ZBED6: variants seen among roughly 807,000 people sequenced by gnomAD.
ZBED6 encodes zinc finger BED domain-containing protein 6.
ZBED6 carries 40 observed loss-of-function variants against 58.4 expected under a neutral mutation model. The ratio of observed to expected loss-of-function variants is 0.68; its 90% CI spans 0.53 to 0.89. The LOEUF (loss-of-function observed/expected upper bound fraction) is 0.89. Ranked by LOEUF, ZBED6 falls within the 40% of genes least tolerant of loss-of-function variation. The pLI is 0.00. For synonymous variants in ZBED6, 439 were observed against 350.6 expected, an observed-to-expected ratio of 1.25 and a Z score of -2.82; for missense variants, 1,057 against 1,003.9, an observed-to-expected ratio of 1.05 and a Z score of -0.71.
intron 4 of ZBED6, among the ~76,000 whole-genome samples, 190 bp downstream of exon 4, chr1:203,828,612 T>C (rs1681304259): frequency 6.6e-6 from 1 of 152,212 alleles, no homozygotes; most frequent in African/African-American, 2.4e-5. Context: ...CCATTATATA[T>C]CTTGGCATGC....
At chr1:203,850,878 A>G (rs955942047) in intron 15 of ZBED6, among the ~76,000 whole-genome samples, 179 bp from the exon 16 acceptor site, 8 of 152,228 alleles carry the variant, frequency 5.3e-5, no homozygotes, top group Non-Finnish European at 8.8e-5. Context: ...TTTAAAAGCT[A>G]ATTTTTAGGT....
chr1:203,850,477 A>T (rs187307997), intron 14 of ZBED6, 38 bp from the exon 15 acceptor site: 2 of 1,611,900 alleles, frequency 1.2e-6, no homozygotes, highest in East Asian at 2.2e-5. Context: ...AAAAGAGTCT[A>T]TTCTCACTGC....
Position 203,811,865 on chromosome 1 carries a change from G to A in ZBED6, c.*2555-5061G>A, listed in dbSNP as rs567614042. 4.6e-5 allele frequency among the ~76,000 whole-genome samples: 7 copies of A among 151,156 alleles called. No individual in the cohort carries two copies. The South Asian group carries it at 1.5e-3, about 32-fold the overall frequency. On this transcript the variant is annotated intron_variant, in intron 1 of 16. Coordinates refer to ENST00000550078, the Ensembl canonical transcript of ZBED6. ...ACAGGTCTCACTGTCACCCAGGCTG[G>A]AGTGCAGTAGTGTGATCTTGGTTCA... is the stretch of plus-strand genomic sequence containing the variant.
chr1:203,829,180 A>G (rs2103006793), intron 4 of ZBED6: 1 of 474,808 alleles, frequency 2.1e-6, no homozygotes, highest in Non-Finnish European at 3.7e-6. Context: ...AAGGTCTAGA[A>G]TTTGTGAACA....
intron 9 of ZBED6, chr1:203,834,132 A>G: frequency 9.3e-7 from 1 of 1,076,894 alleles, no homozygotes; most frequent in African/African-American, 1.6e-5. Context: ...CTCTGAACAA[A>G]TTTAAATGTG....
At chr1:203,851,019 C>T in intron 15 of ZBED6, 38 bp from the exon 16 acceptor site, 1 of 1,607,110 alleles carries the variant, frequency 6.2e-7, no homozygotes, top group African/African-American at 1.3e-5. Context: ...ATTAAAAAGC[C>T]TGACTCTCAC....
At chr1:203,850,219 G>C in intron 14 of ZBED6, 193 bp downstream of exon 14, 1 of 672,120 alleles carries the variant, frequency 1.5e-6, no homozygotes, top group South Asian at 2.0e-5. Context: ...ATTTAAAATT[G>C]CTATTTAAAA....
chr1:203,810,273 G>T (rs981019334), intron 1 of ZBED6, among the ~76,000 whole-genome samples: 2 of 151,902 alleles, frequency 1.3e-5, no homozygotes, highest in African/African-American at 4.8e-5. Flanking sequence ...ACTGCACCTG[G>T]CCTTGCCGTT....
At chr1:203,838,812 G>T (rs938499695) in intron 10 of ZBED6, among the ~76,000 whole-genome samples, 1 of 152,002 alleles carries the variant, frequency 6.6e-6, no homozygotes, top group Non-Finnish European at 1.5e-5. Flanking sequence ...AATTAGCTGG[G>T]CAGGGTGGCA....
chr1:203,823,306 C>A (rs1363583314), intron 3 of ZBED6, among the ~76,000 whole-genome samples: 1 of 152,136 alleles, frequency 6.6e-6, no homozygotes, highest in East Asian at 1.9e-4. Flanking sequence ...TGCCCACTCC[C>A]TTTAGGGGTG....
exon 17 of ZBED6, chr1:203,852,480 T>C: frequency 6.8e-7 from 1 of 1,480,964 alleles, no homozygotes; most frequent in East Asian, 2.4e-5. Context: ...TTACCTGAGA[T>C]GATCATTTCT....
Position 203,797,862 on chromosome 1 carries a change from C to CT in ZBED6, c.345dup (p.Glu116Ter). The CT allele has an allele frequency of 1.3e-6, 2 of 1,536,022 alleles. No homozygotes were observed. Among genetic ancestry groups the CT allele is most frequent in the Non-Finnish European group, 8.7e-7 (1 of 1,146,902 alleles). ...TGACCCTGAGCAGGATGAAGAAAGT[C>CT]TTTTTGAGAGCAATATAGAAAAACA... is the stretch of plus-strand genomic sequence containing the variant. On this transcript the variant is annotated frameshift_variant, in exon 1 of 17. Coordinates refer to ENST00000550078, the Ensembl canonical transcript of ZBED6. LOFTEE classifies it high-confidence loss of function.
intron 1 of ZBED6, among the ~76,000 whole-genome samples, chr1:203,812,099 G>C (rs981733403): frequency 3.3e-5 from 5 of 152,136 alleles, no homozygotes; most frequent in African/African-American, 1.2e-4. Flanking sequence ...TTACATGTAT[G>C]AGTCACCACA....
chr1:203,830,435 C>A (rs1295438903), intron 7 of ZBED6, among the ~76,000 whole-genome samples: 1 of 152,160 alleles, frequency 6.6e-6, no homozygotes, highest in African/African-American at 2.4e-5. Flanking sequence ...ACTTGTATAT[C>A]TTGAAAAATA....
At chr1:203,839,496 T>C (rs1403427502) in intron 10 of ZBED6, among the ~76,000 whole-genome samples, 1 of 152,212 alleles carries the variant, frequency 6.6e-6, no homozygotes, top group African/African-American at 2.4e-5. Flanking sequence ...TAACTTTCTT[T>C]GAAATAAGAA....
chr1:203,824,784 A>C (rs1679937003), intron 3 of ZBED6, among the ~76,000 whole-genome samples: 1 of 152,144 alleles, frequency 6.6e-6, no homozygotes, highest in Non-Finnish European at 1.5e-5. Flanking sequence ...TCTTATAGAG[A>C]AAATAGATTG....
exon 1 of ZBED6, chr1:203,801,079 C>T (rs1466491296): frequency 6.6e-6 from 1 of 152,096 alleles, no homozygotes; most frequent in Non-Finnish European, 1.5e-5. Flanking sequence ...GGAAAATATA[C>T]TTTTAGTCTT....
At chr1:203,810,450 C>T (rs185287588) in intron 1 of ZBED6, among the ~76,000 whole-genome samples, 323 of 144,162 alleles carry the variant, frequency 2.2e-3, no homozygotes, top group African/African-American at 8.4e-3. Flanking sequence ...GACAGAGTCT[C>T]ACTCTGTCGC....
chr1:203,844,539 C>T (rs188229021), intron 11 of ZBED6, among the ~76,000 whole-genome samples: 2 of 152,138 alleles, frequency 1.3e-5, no homozygotes, highest in African/African-American at 4.8e-5. Context: ...GGCTTCTTAA[C>T]CACTTCTTTT....
Sources: allele counts gnomAD v4.1 joint callset (sites outside exome capture counted in the v4.1 genomes callset), GRCh38; gene constraint gnomAD v4.1.1; transcripts MANE v1.5; gene names NCBI Gene and HGNC (gene_info 2026-07-23, HGNC 2026-07-21).